Variants in TARBP1 observed in about 807,000 individuals in gnomAD.
TARBP1 encodes the protein tRNA guanosine 2 -O-methyltransferase TARBP1.
TARBP1 carries 144 observed loss-of-function variants against 178.6 expected under a neutral mutation model. The observed-to-expected ratio is 0.81, with a 90% CI of 0.70 to 0.93. The LOEUF (loss-of-function observed/expected upper bound fraction) is 0.93. Among genes scored for constraint, TARBP1 ranks in the 40% least tolerant of loss-of-function variants. The probability of loss-of-function intolerance (pLI) is 0.00; values close to 1 mark genes in which losing one functional copy is unlikely to be tolerated. For missense variants in TARBP1, 2,067 were observed against 2,011.7 expected (o/e 1.03, Z -0.53); for synonymous variants, 787 against 781.0 (o/e 1.01, Z -0.13).
At position 234,391,524 on chromosome 1, in the gene TARBP1, AG is replaced by A; in HGVS notation, c.*52del. On this transcript the variant is annotated 3_prime_UTR_variant, in exon 30 of 30. Transcript: ENST00000040877. Reference sequence around the variant, plus strand: ...CAGAATCTGTTTCTTTAGTCCAAATAGTTTTTTTTAAAAAAGTCTGAACAGC... The same window carrying A: ...CAGAATCTGTTTCTTTAGTCCAAATATTTTTTTTAAAAAAGTCTGAACAGC... 1 of 1,503,732 alleles carries A rather than the reference AG, an allele frequency of 6.7e-7. No homozygotes were observed. The highest frequency in any genetic ancestry group is 1.4e-5 in the African/African-American group (1 of 71,330). The allele number at this position is 1,503,732 out of a possible 1,614,324, so 93.1% of individuals were successfully genotyped here. A position where few individuals can be genotyped will look rare whatever the true frequency, so the allele number is the denominator to read the frequency against.
chr1:234,455,051 G>T (rs909337640), intron 9 of TARBP1, among the ~76,000 whole-genome samples: 1 of 152,156 alleles, frequency 6.6e-6, no homozygotes, highest in African/African-American at 2.4e-5. Flanking sequence ...ACCATGAGCC[G>T]AGAAATGCAA....
chr1:234,438,907 T>C (rs1665305592), intron 12 of TARBP1, among the ~76,000 whole-genome samples: 2 of 152,022 alleles, frequency 1.3e-5, no homozygotes, highest in African/African-American at 4.8e-5. Flanking sequence ...AAAATGACAT[T>C]GCCAAAGAAA....
intron 12 of TARBP1, among the ~76,000 whole-genome samples, chr1:234,442,035 GGT>G: frequency 6.6e-6 from 1 of 150,582 alleles, no homozygotes; most frequent in Non-Finnish European, 1.5e-5. Context: ...TCCAACAAAT[GGT>G]GCTGGTGCAA....
At chr1:234,402,288 A>G (rs1244124124) in intron 24 of TARBP1, among the ~76,000 whole-genome samples, 1 of 152,192 alleles carries the variant, frequency 6.6e-6, no homozygotes, top group Non-Finnish European at 1.5e-5. Context: ...CTTCCTGACT[A>G]TGAGTATCAC....
In TARBP1 at chr1:234,429,682, A is replaced by T. The variant is rs1558193735; in HGVS notation, c.2610-5T>A. On this transcript the variant is annotated splice_region_variant and splice_polypyrimidine_tract_variant and intron_variant, in intron 15 of 29. Coordinates refer to ENST00000040877, the MANE Select transcript of TARBP1 (RefSeq NM_005646.4). ...GATGACGATTCTTCCAAAACACTGA[A>T]ATAAAAAATAAAGTTACTAGGCCAT... The T allele has an allele frequency of 1.3e-6, 2 of 1,586,544 alleles. No homozygotes were observed. The highest frequency in any genetic ancestry group is 1.7e-6 in the Non-Finnish European group (2 of 1,167,534).
chr1:234,457,676 CA>C lies in TARBP1; in HGVS notation c.1712del (p.Leu571CysfsTer32). 6.2e-7 allele frequency: 1 copy of C among 1,606,312 alleles called. No individual in the cohort carries two copies. The highest frequency in any genetic ancestry group is 8.5e-7 in the Non-Finnish European group (1 of 1,175,298). On this transcript the variant is annotated frameshift_variant, in exon 9 of 30. Coordinates refer to ENST00000040877, the MANE Select transcript of TARBP1 (RefSeq NM_005646.4). LOFTEE classifies it high-confidence loss of function. ...QEESLGRGTS[L>X]WTELCDWLRV... ...TTATCTTTAATCTCACCTCTGTCCA[CA>C]ATGAAGTTCCTCGTCCTAAGGATTC...
At chr1:234,452,678 C>T (rs1273518843) in intron 9 of TARBP1, among the ~76,000 whole-genome samples, 1 of 152,164 alleles carries the variant, frequency 6.6e-6, no homozygotes, top group African/African-American at 2.4e-5. Context: ...TAAACATAAT[C>T]TTACCACTCA....
At chr1:234,462,645 C>T (rs1482058267) in intron 6 of TARBP1, among the ~76,000 whole-genome samples, 15 of 142,212 alleles carry the variant, frequency 1.1e-4, no homozygotes, top group Non-Finnish European at 1.9e-4. Flanking sequence ...GCTGAGATCG[C>T]ACCACTGCAC....
chr1:234,466,988 C>T (rs1247022503), intron 4 of TARBP1, among the ~76,000 whole-genome samples: 1 of 152,310 alleles, frequency 6.6e-6, no homozygotes, highest in Admixed American at 6.5e-5. Flanking sequence ...TAATATAAAA[C>T]TTAAAATCAC....
At chr1:234,427,472 A>G in intron 18 of TARBP1, 84 bp from the exon 19 acceptor site, 7 of 1,444,390 alleles carry the variant, frequency 4.8e-6, no homozygotes, top group Non-Finnish European at 5.6e-6. Flanking sequence ...TTAACTAATA[A>G]TTTATATTCT....
intron 7 of TARBP1, 48 bp downstream of exon 7, chr1:234,460,213 G>A: frequency 6.4e-7 from 1 of 1,550,838 alleles, no homozygotes; most frequent in Non-Finnish European, 8.7e-7. Flanking sequence ...TATATTGATG[G>A]AAAGTCATGG....
intron 14 of TARBP1, among the ~76,000 whole-genome samples, chr1:234,432,424 G>C (rs1442641051): frequency 1.3e-5 from 2 of 152,246 alleles, no homozygotes; most frequent in Admixed American, 6.5e-5. Context: ...CTGGGTGACA[G>C]AGCGAGACTC....
chr1:234,411,690 A>C (rs1001858303), intron 22 of TARBP1, among the ~76,000 whole-genome samples: 23 of 152,234 alleles, frequency 1.5e-4, no homozygotes, highest in African/African-American at 4.8e-4. Context: ...TATCTTAGGG[A>C]AAATTTTTTA....
intron 21 of TARBP1, among the ~76,000 whole-genome samples, chr1:234,419,241 T>C (rs1210468678): frequency 6.6e-6 from 1 of 152,174 alleles, no homozygotes; most frequent in Non-Finnish European, 1.5e-5. Context: ...GTCTTTATTT[T>C]AAAGAAGAAA....
chr1:234,392,536 A>G lies in TARBP1; in HGVS notation c.4577T>C (p.Leu1526Pro). 1.9e-6 allele frequency: 3 copies of G among 1,614,086 alleles called. No homozygotes were observed. The highest frequency in any genetic ancestry group is 2.5e-6 in the Non-Finnish European group (3 of 1,179,974). Residue 1526 changes from leucine (L) to proline (P), a missense_variant, in exon 29 of 30, where the codon CTA (leucine) becomes CCA (proline). By Grantham distance (98) the Leu-to-Pro change is moderately conservative. Coordinates refer to ENST00000040877, the MANE Select transcript of TARBP1 (RefSeq NM_005646.4). Reference protein sequence around the residue: ...LPLVEVKPPQLIDYLQQKKTE... With the variant: ...LPLVEVKPPQPIDYLQQKKTE... ...TTTCTTCTGCTGCAGATAATCAATT[A>G]GCTGAGGTGGTTTTACCTGAATATT... is the stretch of plus-strand genomic sequence containing the variant.
At chr1:234,430,900 C>T (rs1163727612) in intron 14 of TARBP1, among the ~76,000 whole-genome samples, 1 of 152,144 alleles carries the variant, frequency 6.6e-6, no homozygotes, top group African/African-American at 2.4e-5. Context: ...TTAGTTTTCT[C>T]ATCTGTAAAA....
Position 234,427,580 on chromosome 1 carries a change from G to T in TARBP1, c.3247C>A (p.Gln1083Lys). 2 of 1,595,996 alleles carry T rather than the reference G, an allele frequency of 1.3e-6. No homozygotes were observed. Among genetic ancestry groups the T allele is most frequent in the South Asian group, 2.3e-5 (2 of 86,862 alleles). The stretch of plus-strand genomic sequence containing the variant: ...TGAAATAATAGCATCTTTTACCTTT[G>T]ATCACGCCTAAACACAGTTCCAAAT... ...CIFGTVFRRD[Q>K]RLVQDVQTFI... Residue 1083 changes from glutamine to lysine, a missense_variant, in exon 18 of 30, where the codon CAA becomes AAA. Transcript: ENST00000040877.
At chr1:234,458,578 G>A (rs936465008) in intron 8 of TARBP1, among the ~76,000 whole-genome samples, 3 of 152,238 alleles carry the variant, frequency 2.0e-5, no homozygotes, top group Admixed American at 6.5e-5. Flanking sequence ...TAAAGCCAGC[G>A]GCAAAGCTTT....
chr1:234,446,299 T>A (rs1322742591), intron 12 of TARBP1, among the ~76,000 whole-genome samples: 2 of 152,162 alleles, frequency 1.3e-5, no homozygotes, highest in East Asian at 3.8e-4. Context: ...TCTACTATTA[T>A]CACTAACTTT....
Sources: gnomAD v4.1 joint callset for allele counts (sites outside exome capture counted in the v4.1 genomes callset) on GRCh38, gnomAD v4.1.1 for gene constraint, MANE v1.5 for transcripts, NCBI Gene and HGNC (gene_info 2026-07-23, HGNC 2026-07-21) for gene names.